CBLB: variants seen among roughly 807,000 people sequenced by gnomAD.
CBLB encodes the protein Cbl proto-oncogene B, also known as E3 ubiquitin-protein ligase CBL-B.
A neutral mutation model predicts 104.9 loss-of-function variants in CBLB; 31 were observed. The observed-to-expected ratio is 0.30, with a 90% CI of 0.22 to 0.40. The LOEUF (loss-of-function observed/expected upper bound fraction) is 0.40. Among genes scored for constraint, CBLB ranks in the 10% least tolerant of loss-of-function variants. The pLI, the probability that CBLB is intolerant of heterozygous loss-of-function variation, is 1.00. For missense variants in CBLB, 1,062 were observed against 1,214.6 expected (o/e 0.87, Z 1.87); for synonymous variants, 440 against 422.6 (o/e 1.04, Z -0.51).
At chr3:105,847,006 A>G (rs1437776989) in intron 3 of CBLB, among the ~76,000 whole-genome samples, 2 of 152,114 alleles carry the variant, frequency 1.3e-5, no homozygotes, top group African/African-American at 4.8e-5. Context: ...ATGATGTCAT[A>G]CAGTAACATA....
At chr3:105,726,025 T>G (rs1478488072) in intron 9 of CBLB, among the ~76,000 whole-genome samples, 1 of 152,156 alleles carries the variant, frequency 6.6e-6, no homozygotes, top group African/African-American at 2.4e-5. Context: ...TTATTTGGTA[T>G]TTTTAGTAGA....
At chr3:105,830,421 C>A (rs1309456609) in intron 3 of CBLB, among the ~76,000 whole-genome samples, 1 of 152,118 alleles carries the variant, frequency 6.6e-6, no homozygotes, top group East Asian at 1.9e-4. Flanking sequence ...GAATGTTTTT[C>A]TTCTGTTACA....
intron 17 of CBLB, 63 bp downstream of exon 17, chr3:105,678,368 T>C (rs1181741536): frequency 1.4e-6 from 2 of 1,466,372 alleles, no homozygotes; most frequent in East Asian, 2.3e-5. Flanking sequence ...ATTTATTTGA[T>C]AGTATGGTTT....
At position 105,751,607 on chromosome 3, in the gene CBLB, G is replaced by A. The variant is rs768509663; in HGVS notation, c.578C>T (p.Pro193Leu). The A allele has an allele frequency of 2.2e-5, 36 of 1,612,956 alleles. No homozygotes were observed. Among genetic ancestry groups the A allele is most frequent in the Non-Finnish European group, 2.9e-5 (34 of 1,179,216 alleles). ...AAGGCACTGTCTGAATACTTTCCAT[G>A]GTACGATAGTTCTGTGCAAGGTGGA... is the stretch of plus-strand genomic sequence containing the variant. The part of the protein sequence containing the change: ...RKFFGDKTIV[P>L]WKVFRQCLHE... The change falls in exon 5 of 19, where the codon CCA becomes CTA. Residue 193 changes from proline (P) to leucine (L), a missense_variant. Around this residue, in one of 2 missense-constraint regions of CBLB, gnomAD observed 457 missense variants for 632.0 expected, o/e 0.72. Coordinates refer to ENST00000394030, the MANE Select transcript of CBLB (RefSeq NM_170662.5).
At chr3:105,837,045 A>G (rs1344177190) in intron 3 of CBLB, among the ~76,000 whole-genome samples, 1 of 152,214 alleles carries the variant, frequency 6.6e-6, no homozygotes, top group African/African-American at 2.4e-5. Context: ...AAAGAAAAAG[A>G]GATAGCAGTT....
At chr3:105,688,568 G>A (rs184404109) in intron 13 of CBLB, among the ~76,000 whole-genome samples, 54 of 151,986 alleles carry the variant, frequency 3.6e-4, no homozygotes, top group South Asian at 2.1e-3. Context: ...GGCAAGTAAC[G>A]AAAAAATATC....
chr3:105,810,323 T>G (rs1156789974), intron 3 of CBLB, among the ~76,000 whole-genome samples: 1 of 152,162 alleles, frequency 6.6e-6, no homozygotes, highest in Non-Finnish European at 1.5e-5. Flanking sequence ...CCCAAAATCT[T>G]TTTAAAAAAA....
intron 2 of CBLB, among the ~76,000 whole-genome samples, chr3:105,858,944 C>T (rs1331015598): frequency 2.0e-5 from 3 of 152,112 alleles, no homozygotes; most frequent in East Asian, 3.9e-4. Context: ...ATTGGCTATG[C>T]ATTCCAATAC....
chr3:105,786,066 G>GGGGGC (rs1553794757), intron 3 of CBLB, among the ~76,000 whole-genome samples: 3 of 145,662 alleles, frequency 2.1e-5, no homozygotes, highest in Non-Finnish European at 3.0e-5. Flanking sequence ...AGGATCGGGG[G>GGGGGC]GGGGAAAGTG....
At chr3:105,803,986 A>T (rs1009371537) in intron 3 of CBLB, among the ~76,000 whole-genome samples, 1 of 152,166 alleles carries the variant, frequency 6.6e-6, no homozygotes, top group Admixed American at 6.5e-5. Flanking sequence ...CTTTTCTCTT[A>T]GGCTACAACT....
intron 6 of CBLB, among the ~76,000 whole-genome samples, chr3:105,741,481 C>G (rs550995372): frequency 6.6e-5 from 10 of 152,104 alleles, no homozygotes; most frequent in African/African-American, 2.4e-4. Context: ...CTGCAAGCTC[C>G]GCCTCCCAGG....
intron 3 of CBLB, among the ~76,000 whole-genome samples, chr3:105,846,399 G>A (rs1361456448): frequency 1.3e-5 from 2 of 151,822 alleles, no homozygotes; most frequent in Non-Finnish European, 1.5e-5. Context: ...ATTTATAAAA[G>A]ACAAACCTTC....
At chr3:105,728,959 T>TA (rs2074002596) in intron 9 of CBLB, among the ~76,000 whole-genome samples, 1 of 152,130 alleles carries the variant, frequency 6.6e-6, no homozygotes, top group African/African-American at 2.4e-5. Context: ...GAATTTCAAT[T>TA]AAACCAAAGT....
rs190499523 is a variant in CBLB, at chr3:105,790,190, A to C, written c.420-13648T>G. Among the ~76,000 whole-genome samples the C allele has an allele frequency of 2.6e-5, 4 of 152,342 alleles. No individual in the cohort carries two copies. In the East Asian group the frequency reaches 7.7e-4, roughly 29 times the overall value. On this transcript the variant is annotated intron_variant, in intron 3 of 18. Coordinates refer to ENST00000394030, the MANE Select transcript of CBLB (RefSeq NM_170662.5). Reference sequence around the variant, plus strand: ...TTTTAATATTTCTGTTAAACATCAAAATGATAGGAAGATTGTATACTTTTT... The same window carrying C: ...TTTTAATATTTCTGTTAAACATCAACATGATAGGAAGATTGTATACTTTTT...
chr3:105,848,143 A>C (rs1388418085), intron 3 of CBLB, among the ~76,000 whole-genome samples: 2 of 152,024 alleles, frequency 1.3e-5, no homozygotes, highest in Non-Finnish European at 2.9e-5. Context: ...GTGACATTGA[A>C]CTGTTTGCAG....
intron 3 of CBLB, among the ~76,000 whole-genome samples, chr3:105,812,526 T>C (rs149674881): frequency 9.2e-5 from 14 of 152,292 alleles, no homozygotes; most frequent in Admixed American, 1.3e-4. Flanking sequence ...AATGGAGTTA[T>C]TGATGCTAAG....
chr3:105,757,514 G>A (rs959189153), intron 4 of CBLB, among the ~76,000 whole-genome samples: 6 of 152,154 alleles, frequency 3.9e-5, no homozygotes, highest in African/African-American at 1.4e-4. Flanking sequence ...CTTTATCTGG[G>A]TAGGAGATAA....
intron 13 of CBLB, among the ~76,000 whole-genome samples, chr3:105,693,186 A>C (rs1016243292): frequency 2.0e-5 from 3 of 152,170 alleles, no homozygotes; most frequent in Non-Finnish European, 4.4e-5. Context: ...CTCTGAGGAG[A>C]AGAGGTAAAT....
intron 3 of CBLB, among the ~76,000 whole-genome samples, chr3:105,805,253 T>A (rs1382273784): frequency 6.6e-6 from 1 of 151,638 alleles, no homozygotes; most frequent in African/African-American, 2.4e-5. Flanking sequence ...AACGAGAAAA[T>A]CCCAGCCACA....
Sources: allele counts gnomAD v4.1 joint callset (sites outside exome capture counted in the v4.1 genomes callset), GRCh38; gene constraint gnomAD v4.1.1; regional missense constraint gnomAD v4.1.1; transcripts MANE v1.5; gene names NCBI Gene and HGNC (gene_info 2026-07-23, HGNC 2026-07-21).